Variants in COLEC12 observed in about 807,000 individuals in gnomAD.
COLEC12 encodes the protein collectin-12.
Under a neutral mutation model 71.1 loss-of-function variants are expected in COLEC12, and 33 were observed. The ratio of observed to expected loss-of-function variants is 0.46; its 90% confidence interval spans 0.35 to 0.62. The LOEUF is 0.62. Ranked by LOEUF, COLEC12 falls within the 20% of genes least tolerant of loss-of-function variation. The pLI, the probability that COLEC12 is intolerant of heterozygous loss-of-function variation, is 0.00. For missense variants in COLEC12, 765 were observed against 916.1 expected (o/e 0.84, Z 2.13); for synonymous variants, 350 against 353.0 (o/e 0.99, Z 0.10).
intron 1 of COLEC12, among the ~76,000 whole-genome samples, chr18:485,101 T>C (rs1917494585): frequency 6.6e-6 from 1 of 152,244 alleles, no homozygotes; most frequent in Non-Finnish European, 1.5e-5. Flanking sequence ...ACAAATAGCC[T>C]GATACAATGT....
At chr18:363,195 C>A (rs1464107551) in intron 2 of COLEC12, among the ~76,000 whole-genome samples, 1 of 152,086 alleles carries the variant, frequency 6.6e-6, no homozygotes, top group Non-Finnish European at 1.5e-5. Flanking sequence ...TGCTGTGGTC[C>A]AGTCTCAATC....
chr18:466,804 C>T (rs1917097620), intron 2 of COLEC12, among the ~76,000 whole-genome samples: 1 of 152,176 alleles, frequency 6.6e-6, no homozygotes, highest in Non-Finnish European at 1.5e-5. Context: ...AGGAGCTGCT[C>T]ACTCTTTTAT....
intron 2 of COLEC12, among the ~76,000 whole-genome samples, chr18:359,417 T>C (rs772238956): frequency 7.2e-5 from 11 of 152,248 alleles, no homozygotes; most frequent in Non-Finnish European, 1.3e-4. Context: ...AAATTTTGCA[T>C]ATTACATGTA....
At chr18:369,515 T>C (rs151095207) in intron 2 of COLEC12, among the ~76,000 whole-genome samples, 9,174 of 151,454 alleles carry the variant, frequency 0.061, 821 homozygotes, top group East Asian at 0.32. Flanking sequence ...TAGTTACATA[T>C]GTATACATGT....
intron 2 of COLEC12, among the ~76,000 whole-genome samples, chr18:425,180 G>A (rs1003748272): frequency 2.0e-5 from 3 of 152,292 alleles, no homozygotes; most frequent in Middle Eastern, 3.4e-3. Context: ...ATTCACCAAC[G>A]TATGCAGAAA....
intron 2 of COLEC12, among the ~76,000 whole-genome samples, chr18:407,424 C>T (rs1489852705): frequency 6.6e-6 from 1 of 152,050 alleles, no homozygotes; most frequent in East Asian, 1.9e-4. Context: ...GAGTTGATGG[C>T]GCTAGTTTCA....
In COLEC12 at chr18:349,070, GC is replaced by G. The variant is rs548559460; in HGVS notation, c.182-908del. 1.7e-3 allele frequency among the ~76,000 whole-genome samples: 259 copies of G among 152,278 alleles called. 1 individual carries two copies. Among genetic ancestry groups the G allele is most frequent in the Non-Finnish European group, 3.1e-3 (214 of 68,024 alleles). ...TTTTGCATCTTTCTAATTTTCTCTT[GC>G]CGTCCCAAATGTTAACCCCCAAGAC... On this transcript the variant is annotated intron_variant, in intron 3 of 9. Coordinates refer to ENST00000400256, the MANE Select transcript of COLEC12 (RefSeq NM_130386.3).
chr18:328,340 G>A (rs1192730943), intron 8 of COLEC12, among the ~76,000 whole-genome samples: 1 of 152,112 alleles, frequency 6.6e-6, no homozygotes. Context: ...TATTTGGGGC[G>A]GTTTATGCTG....
At chr18:337,069 C>T (rs2143445965) in intron 5 of COLEC12, among the ~76,000 whole-genome samples, 1 of 151,728 alleles carries the variant, frequency 6.6e-6, no homozygotes, top group Admixed American at 6.6e-5. Flanking sequence ...AGGGCTCTCA[C>T]TGTGTTGCCA....
chr18:326,865 T>C (rs1220499135), intron 8 of COLEC12, among the ~76,000 whole-genome samples: 1 of 152,192 alleles, frequency 6.6e-6, no homozygotes, highest in Non-Finnish European at 1.5e-5. Context: ...AATGTTGAAA[T>C]CTCCTTTGAA....
chr18:438,802 CAA>C (rs55912485), intron 2 of COLEC12, among the ~76,000 whole-genome samples: 18 of 132,648 alleles, frequency 1.4e-4, no homozygotes, highest in Admixed American at 1.5e-4. Flanking sequence ...GACCTTGTCT[CAA>C]AAAAAAAAAA....
At chr18:436,714 G>A (rs1285613978) in intron 2 of COLEC12, among the ~76,000 whole-genome samples, 1 of 151,702 alleles carries the variant, frequency 6.6e-6, no homozygotes, top group African/African-American at 2.4e-5. Context: ...CATCACAAGG[G>A]GGTGCATGGC....
chr18:356,375 A>G (rs1914629250), intron 3 of COLEC12, among the ~76,000 whole-genome samples: 1 of 152,178 alleles, frequency 6.6e-6, no homozygotes, highest in African/African-American at 2.4e-5. Context: ...CACTTACTGA[A>G]CATTCACAAT....
intron 7 of COLEC12, 78 bp from the exon 8 acceptor site, chr18:331,855 T>G: frequency 1.2e-6 from 1 of 854,210 alleles, no homozygotes; most frequent in Non-Finnish European, 1.9e-6. Context: ...ATTTAACATT[T>G]AGAAAAAAGG....
intron 2 of COLEC12, among the ~76,000 whole-genome samples, chr18:453,880 T>C (rs977701485): frequency 1.3e-5 from 2 of 152,234 alleles, no homozygotes; most frequent in Non-Finnish European, 2.9e-5. Context: ...CTTTCCCTGA[T>C]AGCCACATCA....
intron 2 of COLEC12, among the ~76,000 whole-genome samples, chr18:409,333 G>A (rs1468771137): frequency 6.6e-6 from 1 of 152,172 alleles, no homozygotes; most frequent in Non-Finnish European, 1.5e-5. Context: ...CTGAGGTCAG[G>A]AGTTCGAGAC....
chr18:488,698 C>T (rs553777737), intron 1 of COLEC12, among the ~76,000 whole-genome samples: 36 of 151,960 alleles, frequency 2.4e-4, no homozygotes, highest in African/African-American at 8.2e-4. Flanking sequence ...CATGGTGAAA[C>T]CCCGTCTCTA....
chr18:409,279 G>A (rs554079354), intron 2 of COLEC12, among the ~76,000 whole-genome samples: 14 of 152,322 alleles, frequency 9.2e-5, no homozygotes, highest in East Asian at 1.9e-4. Context: ...GGTGGCTCAC[G>A]CCTATAATCC....
At chr18:320,107 A>T (rs370425487) in intron 9 of COLEC12, 43 bp from the exon 10 acceptor site, 19 of 1,161,890 alleles carry the variant, frequency 1.6e-5, no homozygotes, top group Admixed American at 4.2e-5. Context: ...TTTCTTAAAT[A>T]ATAAAGTTAA....
Sources: allele counts gnomAD v4.1 joint callset (sites outside exome capture counted in the v4.1 genomes callset), GRCh38; gene constraint gnomAD v4.1.1; transcripts MANE v1.5; gene names NCBI Gene and HGNC (gene_info 2026-07-23, HGNC 2026-07-21).